Variants in PIP4K2A observed in about 807,000 individuals in gnomAD.
The protein encoded by PIP4K2A is phosphatidylinositol-5-phosphate 4-kinase type 2 alpha.
Under a neutral mutation model 42.9 loss-of-function variants are expected in PIP4K2A, and 14 were observed. The ratio of observed to expected loss-of-function variants is 0.33; its 90% CI spans 0.22 to 0.51. The LOEUF (loss-of-function observed/expected upper bound fraction) is 0.51. Among genes scored for constraint, PIP4K2A ranks in the 20% least tolerant of loss-of-function variants. The pLI is 0.97. For synonymous variants in PIP4K2A, 192 were observed against 192.2 expected (o/e 1.00, Z 0.01); for missense variants, 434 against 519.8 (o/e 0.83, Z 1.61).
At chr10:22,555,159 G>T (rs778719995) in intron 6 of PIP4K2A, among the ~76,000 whole-genome samples, 1 of 152,188 alleles carries the variant, frequency 6.6e-6, no homozygotes, top group Non-Finnish European at 1.5e-5. Context: ...GGTCGACTAG[G>T]CATGGCTCAG....
intron 7 of PIP4K2A, among the ~76,000 whole-genome samples, chr10:22,544,039 T>C (rs1836196400): frequency 6.6e-6 from 1 of 152,172 alleles, no homozygotes; most frequent in Non-Finnish European, 1.5e-5. Context: ...CAGCTACCTC[T>C]GGAGGCTGCC....
intron 1 of PIP4K2A, among the ~76,000 whole-genome samples, chr10:22,687,477 G>A (rs1171581777): frequency 6.6e-6 from 1 of 152,044 alleles, no homozygotes; most frequent in African/African-American, 2.4e-5. Context: ...ATGAGGCCTA[G>A]AGTTCATAAA....
chr10:22,587,774 C>T (rs1162815416), intron 4 of PIP4K2A, among the ~76,000 whole-genome samples: 4 of 152,290 alleles, frequency 2.6e-5, no homozygotes, highest in East Asian at 3.9e-4. Context: ...GCTAGGCAGC[C>T]GGTGTGCATT....
intron 7 of PIP4K2A, among the ~76,000 whole-genome samples, chr10:22,549,838 CAAAAAAAAAAAAAAAAAAAA>C (rs56349240): frequency 8.6e-5 from 6 of 70,128 alleles, no homozygotes; most frequent in East Asian, 3.9e-4. Context: ...GAATCCATCT[CAAAAAAAAAAAAAAAAAAAA>C]AAAAAAAAAA....
intron 1 of PIP4K2A, among the ~76,000 whole-genome samples, chr10:22,660,591 C>T (rs1217760473): frequency 1.3e-5 from 2 of 152,012 alleles, no homozygotes; most frequent in East Asian, 1.9e-4. Context: ...CACAGGATCC[C>T]GTTAAACAAA....
chr10:22,655,756 C>A (rs930135331), intron 1 of PIP4K2A, among the ~76,000 whole-genome samples: 1 of 152,150 alleles, frequency 6.6e-6, no homozygotes, highest in African/African-American at 2.4e-5. Context: ...ATCTGTACCA[C>A]GATTCGCTTA....
intron 3 of PIP4K2A, among the ~76,000 whole-genome samples, chr10:22,607,183 C>T (rs1837923732): frequency 6.6e-6 from 1 of 152,164 alleles, no homozygotes; most frequent in African/African-American, 2.4e-5. Context: ...ACGAATCTGG[C>T]TCGCTATATG....
intron 1 of PIP4K2A, among the ~76,000 whole-genome samples, chr10:22,683,584 G>C (rs928948460): frequency 5.3e-5 from 8 of 152,140 alleles, no homozygotes; most frequent in Non-Finnish European, 1.0e-4. Flanking sequence ...GTCAACTGTC[G>C]AAAACAAGTT....
chr10:22,619,994 C>T (rs1838283916), intron 1 of PIP4K2A, among the ~76,000 whole-genome samples: 1 of 152,198 alleles, frequency 6.6e-6, no homozygotes, highest in African/African-American at 2.4e-5. Flanking sequence ...TAATTCACTT[C>T]AGCAGATTTT....
At chr10:22,684,659 C>T (rs1005256601) in intron 1 of PIP4K2A, among the ~76,000 whole-genome samples, 1 of 152,202 alleles carries the variant, frequency 6.6e-6, no homozygotes, top group African/African-American at 2.4e-5. Flanking sequence ...TCCCTGGCAT[C>T]AAAACAATCC....
At chr10:22,706,229 C>G (rs892117582) in intron 1 of PIP4K2A, among the ~76,000 whole-genome samples, 2 of 152,114 alleles carry the variant, frequency 1.3e-5, no homozygotes, top group Admixed American at 1.3e-4. Context: ...TCTATCTAAT[C>G]CTCAAGGTCC....
intron 6 of PIP4K2A, among the ~76,000 whole-genome samples, chr10:22,561,588 T>TTTTTTTTTTTG (rs1836702326): frequency 6.8e-6 from 1 of 147,720 alleles, no homozygotes. Flanking sequence ...TTTTTTTTTT[T>TTTTTTTTTTTG]TTTCTGAGAC....
intron 1 of PIP4K2A, among the ~76,000 whole-genome samples, chr10:22,704,219 C>T (rs1833767941): frequency 6.6e-6 from 1 of 152,084 alleles, no homozygotes. Flanking sequence ...CTGGGGCATT[C>T]CAACATTTCC....
At chr10:22,561,170 A>C (rs963872086) in intron 6 of PIP4K2A, among the ~76,000 whole-genome samples, 1 of 152,236 alleles carries the variant, frequency 6.6e-6, no homozygotes, top group Admixed American at 6.5e-5. Context: ...AGAATAAAAC[A>C]AGTCATAGCA....
rs11013062 is a variant in PIP4K2A, at chr10:22,601,352, T to C, written c.339+6575A>G. Among the ~76,000 whole-genome samples the C allele has an allele frequency of 5.8e-3, 876 of 151,132 alleles. 7 individuals are homozygous for C. Among genetic ancestry groups the C allele is most frequent in the Non-Finnish European group, 7.4e-3 (504 of 67,890 alleles). ...GGTCCCAGGTGGGGGCAGGTGGTGGTAGGAACAGTAATTTGCTCAGTTCAT... is the reference window on the plus strand; with the variant it reads ...GGTCCCAGGTGGGGGCAGGTGGTGGCAGGAACAGTAATTTGCTCAGTTCAT... On this transcript the variant is annotated intron_variant, in intron 3 of 9. Coordinates refer to ENST00000376573, the MANE Select transcript of PIP4K2A (RefSeq NM_005028.5).
chr10:22,541,745 A>G, intron 8 of PIP4K2A, 59 bp downstream of exon 8: 1 of 1,490,972 alleles, frequency 6.7e-7, no homozygotes, highest in East Asian at 2.4e-5. Context: ...ACTGGTAGAT[A>G]ACAAGGCCAA....
In PIP4K2A at chr10:22,701,957, G is replaced by C. The variant is rs560776597; in HGVS notation, c.144+12226C>G. On this transcript the variant is annotated intron_variant, in intron 1 of 9. Transcript: ENST00000376573. ...CCTTTTCTCCATAAGGCTACAATGG[G>C]TCTACCAAAAATAAAACCATGCCAC... 4.7e-4 allele frequency among the ~76,000 whole-genome samples: 71 copies of C among 152,302 alleles called. 1 individual carries two copies. In the East Asian group the frequency reaches 0.013, roughly 28 times the overall value.
intron 4 of PIP4K2A, among the ~76,000 whole-genome samples, chr10:22,579,325 C>G (rs917210177): frequency 6.6e-5 from 10 of 152,084 alleles, no homozygotes; most frequent in African/African-American, 2.4e-4. Context: ...GAATCGTAAC[C>G]CTAGTGATAT....
At chr10:22,664,320 A>G (rs959125722) in intron 1 of PIP4K2A, among the ~76,000 whole-genome samples, 3 of 148,330 alleles carry the variant, frequency 2.0e-5, no homozygotes, top group African/African-American at 7.4e-5. Flanking sequence ...TTACATTCTC[A>G]TCAGCAATGT....
Sources: allele counts gnomAD v4.1 joint callset (sites outside exome capture counted in the v4.1 genomes callset), GRCh38; gene constraint gnomAD v4.1.1; transcripts MANE v1.5; gene names NCBI Gene and HGNC (gene_info 2026-07-23, HGNC 2026-07-21).